Variants in CPPED1 observed in about 807,000 individuals in gnomAD.
CPPED1 encodes serine/threonine-protein phosphatase CPPED1.
Under a neutral mutation model 28.0 loss-of-function variants are expected in CPPED1, and 28 were observed. That is an observed-to-expected ratio of 1.00 (90% CI 0.74 to 1.37). The LOEUF (loss-of-function observed/expected upper bound fraction) is 1.37. CPPED1 is among the 40% of genes most tolerant of loss of function. The probability of loss-of-function intolerance (pLI) is 0.00; values close to 1 mark genes in which losing one functional copy is unlikely to be tolerated. For missense variants in CPPED1, 504 were observed against 416.5 expected (o/e 1.21, Z -1.83); for synonymous variants, 198 against 180.2 (o/e 1.10, Z -0.79).
At chr16:12,781,529 T>C (rs779279842) in intron 1 of CPPED1, 126 bp from the exon 2 acceptor site, 22 of 791,408 alleles carry the variant, frequency 2.8e-5, no homozygotes, top group Non-Finnish European at 4.2e-5. Context: ...TAATAAGCTG[T>C]GGTTCAAACA....
At position 12,702,947 on chromosome 16, in the gene CPPED1, G is replaced by A. The variant is rs530970559; in HGVS notation, c.715+1677C>T. 1.9e-4 allele frequency among the ~76,000 whole-genome samples: 29 copies of A among 151,684 alleles called. No homozygotes were observed. The South Asian group carries it at 6.1e-3, about 32-fold the overall frequency. On this transcript the variant is annotated intron_variant, in intron 3 of 3. Coordinates refer to ENST00000381774, the MANE Select transcript of CPPED1 (RefSeq NM_018340.3). The stretch of plus-strand genomic sequence containing the variant: ...AAATTGCTTTAACCCAGGAGACAGA[G>A]GTTGCAGTGAGCCGAGATGGTGCCA...
At position 12,682,780 on chromosome 16, in the gene CPPED1, A is replaced by C. The variant is rs576799764; in HGVS notation, c.716-17665T>G. Among the ~76,000 whole-genome samples, 3 of 152,192 alleles carry C rather than the reference A, an allele frequency of 2.0e-5. No individual in the cohort carries two copies. In the South Asian group the frequency reaches 6.2e-4, roughly 32 times the overall value. ...AGATCTTTTTCTTTTCATTTGCACA[A>C]ATTACATCTTTCTCACTATTCATAA... On this transcript the variant is annotated intron_variant, in intron 3 of 3. Coordinates refer to ENST00000381774, the MANE Select transcript of CPPED1 (RefSeq NM_018340.3). The surrounding 1 kb of genome is among the most constrained non-coding windows in gnomAD (Gnocchi z 6.1).
chr16:12,686,195 C>T (rs1001400238), intron 3 of CPPED1, among the ~76,000 whole-genome samples: 1 of 151,898 alleles, frequency 6.6e-6, no homozygotes, highest in South Asian at 2.1e-4. Flanking sequence ...GCCAGTAATC[C>T]ATTTGTTTTG....
At chr16:12,676,166 G>A (rs1466088298) in intron 3 of CPPED1, among the ~76,000 whole-genome samples, 2 of 152,174 alleles carry the variant, frequency 1.3e-5, no homozygotes, top group African/African-American at 4.8e-5. Context: ...CAATGCCTGT[G>A]GCCCAGGACT....
chr16:12,679,180 T>G (rs931667327), intron 3 of CPPED1, among the ~76,000 whole-genome samples: 1 of 152,238 alleles, frequency 6.6e-6, no homozygotes, highest in African/African-American at 2.4e-5. Flanking sequence ...GAGTAACTGC[T>G]ATCCTCCCCA....
chr16:12,679,578 C>T (rs535033694), intron 3 of CPPED1, among the ~76,000 whole-genome samples: 30 of 152,188 alleles, frequency 2.0e-4, no homozygotes, highest in Admixed American at 1.5e-3. Context: ...CACAAAATTT[C>T]ACAAAAATGG....
intron 3 of CPPED1, among the ~76,000 whole-genome samples, chr16:12,681,648 G>A (rs1025634815): frequency 2.0e-5 from 3 of 152,168 alleles, no homozygotes; most frequent in African/African-American, 7.2e-5. Context: ...AAAACACCTA[G>A]GGCTGTGCAT....
At chr16:12,690,810 C>T (rs2079958565) in intron 3 of CPPED1, among the ~76,000 whole-genome samples, 1 of 152,172 alleles carries the variant, frequency 6.6e-6, no homozygotes, top group South Asian at 2.1e-4. Context: ...TTCCACACCC[C>T]TGTATTCCAC....
chr16:12,732,050 C>T (rs1390982617), intron 2 of CPPED1, among the ~76,000 whole-genome samples: 1 of 151,874 alleles, frequency 6.6e-6, no homozygotes, highest in Non-Finnish European at 1.5e-5. Context: ...GTAATCCCAG[C>T]TACTCAGGAG....
At chr16:12,792,179 C>T (rs1290281609) in intron 1 of CPPED1, among the ~76,000 whole-genome samples, 1 of 152,124 alleles carries the variant, frequency 6.6e-6, no homozygotes, top group African/African-American at 2.4e-5. Context: ...TCTCAAACTC[C>T]TGACTTCAAG....
intron 2 of CPPED1, among the ~76,000 whole-genome samples, chr16:12,761,574 A>C (rs1340016758): frequency 6.6e-6 from 1 of 152,148 alleles, no homozygotes; most frequent in Non-Finnish European, 1.5e-5. Flanking sequence ...ATAATGAATC[A>C]ATCAGGAAAA....
intron 3 of CPPED1, among the ~76,000 whole-genome samples, chr16:12,676,081 T>C (rs1202635912): frequency 5.9e-5 from 9 of 152,206 alleles, no homozygotes; most frequent in South Asian, 2.1e-4. Context: ...TCGTCGTCAA[T>C]TGGGGAATTC....
intron 2 of CPPED1, among the ~76,000 whole-genome samples, chr16:12,738,017 G>A (rs923164567): frequency 3.3e-5 from 5 of 152,188 alleles, no homozygotes; most frequent in Admixed American, 6.5e-5. Context: ...TGGTTAACAC[G>A]GTACCCGACG....
chr16:12,713,356 T>A lies in CPPED1; in HGVS notation c.290-8307A>T, dbSNP rs1596456617. ...GTTGTCCTGGTCTTTTAAATCTAGT[T>A]TCTTCTTTTTTATTTTTTATTTTTT... On this transcript the variant is annotated intron_variant, in intron 2 of 3. Coordinates refer to ENST00000381774, the MANE Select transcript of CPPED1 (RefSeq NM_018340.3). Among the ~76,000 whole-genome samples, 5 of 152,040 alleles carry A rather than the reference T, an allele frequency of 3.3e-5. No individual in the cohort carries two copies. In the South Asian group the frequency reaches 8.3e-4, roughly 25 times the overall value.
intron 2 of CPPED1, among the ~76,000 whole-genome samples, chr16:12,772,226 C>T (rs1345344755): frequency 2.6e-5 from 4 of 152,150 alleles, no homozygotes; most frequent in Non-Finnish European, 5.9e-5. Context: ...TTGGTCTAGG[C>T]CTTGACATCT....
chr16:12,684,980 G>T (rs2079925195), intron 3 of CPPED1, among the ~76,000 whole-genome samples: 1 of 152,104 alleles, frequency 6.6e-6, no homozygotes, highest in South Asian at 2.1e-4. Flanking sequence ...CGTATTTCCT[G>T]ATTTTACAAA....
chr16:12,677,597 G>C (rs13338426), intron 3 of CPPED1, among the ~76,000 whole-genome samples: 1 of 152,200 alleles, frequency 6.6e-6, no homozygotes, highest in African/African-American at 2.4e-5. Flanking sequence ...AGCTGAGCTC[G>C]TGCCACTGCA....
intron 1 of CPPED1, among the ~76,000 whole-genome samples, chr16:12,790,970 T>C (rs1221301174): frequency 6.6e-6 from 1 of 151,230 alleles, no homozygotes; most frequent in African/African-American, 2.4e-5. Context: ...TATGTCTGTT[T>C]TTCTGGACAT....
At position 12,803,861 on chromosome 16, in the gene CPPED1, C is replaced by T; in HGVS notation, c.-85G>A. 2 of 1,325,126 alleles carry T rather than the reference C, an allele frequency of 1.5e-6. No homozygotes were observed. The highest frequency in any genetic ancestry group is 2.0e-6 in the Non-Finnish European group (2 of 976,020). 82.1% of individuals were successfully genotyped at this position (1,325,126 alleles called of 1,614,324 possible). A position where few individuals can be genotyped will look rare whatever the true frequency, so the allele number is the denominator to read the frequency against. On this transcript the variant is annotated 5_prime_UTR_variant, in exon 1 of 4. Coordinates refer to ENST00000381774, the MANE Select transcript of CPPED1 (RefSeq NM_018340.3). ...ACACAGAACAACCGCTGGACCTGTC[C>T]CGCTTTGGGCGACGCCCTTTGATCT...
Sources: allele counts gnomAD v4.1 joint callset (sites outside exome capture counted in the v4.1 genomes callset), GRCh38; gene constraint gnomAD v4.1.1; non-coding constraint Gnocchi (gnomAD v3.1); transcripts MANE v1.5; gene names NCBI Gene and HGNC (gene_info 2026-07-23, HGNC 2026-07-21).